CADM1: variants seen among roughly 807,000 people sequenced by gnomAD.
The protein encoded by CADM1 is TSLC-1.
Under a neutral mutation model 53.1 loss-of-function variants are expected in CADM1, and 15 were observed. That is an observed-to-expected ratio of 0.28 (90% CI 0.19 to 0.44). The LOEUF is 0.44. Among genes scored for constraint, CADM1 ranks in the 20% least tolerant of loss-of-function variants. The pLI is 1.00. For synonymous variants in CADM1, 281 were observed against 243.0 expected, an observed-to-expected ratio of 1.16 and a Z score of -1.45; for missense variants, 434 against 611.3, an observed-to-expected ratio of 0.71 and a Z score of 3.06.
chr11:115,315,829 G>C (rs558143462), intron 1 of CADM1, among the ~76,000 whole-genome samples: 1 of 152,182 alleles, frequency 6.6e-6, no homozygotes, highest in South Asian at 2.1e-4. Flanking sequence ...AAACACAATT[G>C]TTTCTTTCTT....
At chr11:115,319,571 T>C (rs891460426) in intron 1 of CADM1, among the ~76,000 whole-genome samples, 1 of 152,168 alleles carries the variant, frequency 6.6e-6, no homozygotes, top group East Asian at 1.9e-4. Flanking sequence ...TGCCAATTCT[T>C]TGGGAGCCAA....
intron 1 of CADM1, chr11:115,240,983 T>A (rs1349735565): frequency 6.4e-6 from 1 of 156,926 alleles, no homozygotes; most frequent in African/African-American, 2.4e-5. Flanking sequence ...TGGGAAGGCT[T>A]AGGGTTCGGA....
At chr11:115,422,560 C>T (rs1274810978) in intron 1 of CADM1, among the ~76,000 whole-genome samples, 1 of 152,212 alleles carries the variant, frequency 6.6e-6, no homozygotes, top group Non-Finnish European at 1.5e-5. Flanking sequence ...GGCCACTAAA[C>T]TACCAAGTCA....
chr11:115,468,075 G>T (rs1393104075), intron 1 of CADM1, among the ~76,000 whole-genome samples: 1 of 152,124 alleles, frequency 6.6e-6, no homozygotes, highest in Non-Finnish European at 1.5e-5. Flanking sequence ...TAAAACAAAA[G>T]CATTCTGTAT....
At chr11:115,182,031 A>G (rs1183439962) in intron 10 of CADM1, among the ~76,000 whole-genome samples, 1 of 152,226 alleles carries the variant, frequency 6.6e-6, no homozygotes, top group African/African-American at 2.4e-5. Context: ...AACCAATTCC[A>G]TGAGAAATGA....
chr11:115,256,119 C>CA (rs1942779465), intron 1 of CADM1, among the ~76,000 whole-genome samples: 1 of 152,004 alleles, frequency 6.6e-6, no homozygotes, highest in Non-Finnish European at 1.5e-5. Flanking sequence ...GCAAGTGTTC[C>CA]AAAATGAAAA....
chr11:115,328,747 TAG>T (rs1555067055), intron 1 of CADM1, among the ~76,000 whole-genome samples: 3 of 130,112 alleles, frequency 2.3e-5, no homozygotes, highest in African/African-American at 8.2e-5. Flanking sequence ...TATATATATA[TAG>T]AATCCAATCT....
At chr11:115,226,172 G>C (rs1294584756) in intron 5 of CADM1, among the ~76,000 whole-genome samples, 1 of 151,898 alleles carries the variant, frequency 6.6e-6, no homozygotes, top group Non-Finnish European at 1.5e-5. Context: ...AAGCTTATTA[G>C]ACACTATATA....
At chr11:115,315,387 A>G (rs1019808488) in intron 1 of CADM1, among the ~76,000 whole-genome samples, 4 of 152,194 alleles carry the variant, frequency 2.6e-5, no homozygotes, top group African/African-American at 9.7e-5. Context: ...TCCTGAAGAA[A>G]TGAGAGAAAT....
At chr11:115,269,066 C>G (rs1459862483) in intron 1 of CADM1, among the ~76,000 whole-genome samples, 1 of 152,116 alleles carries the variant, frequency 6.6e-6, no homozygotes, top group Non-Finnish European at 1.5e-5. Context: ...TCGGCCATAG[C>G]TTCTAGACTG....
chr11:115,350,509 C>CTTT (rs34913142), intron 1 of CADM1, among the ~76,000 whole-genome samples: 28 of 138,050 alleles, frequency 2.0e-4, no homozygotes, highest in Non-Finnish European at 3.6e-4. Flanking sequence ...TTCTTTTTTT[C>CTTT]TTTTTTTTTT....
intron 1 of CADM1, chr11:115,333,606 C>T (rs1431143313): frequency 6.6e-6 from 1 of 152,154 alleles, no homozygotes; most frequent in Non-Finnish European, 1.5e-5. Context: ...TCTTGACCAA[C>T]AACCTTACTT....
At chr11:115,497,942 T>C (rs1437768630) in intron 1 of CADM1, among the ~76,000 whole-genome samples, 5 of 145,702 alleles carry the variant, frequency 3.4e-5, no homozygotes, top group Non-Finnish European at 7.5e-5. Context: ...AGATTTATAG[T>C]CCATATTTAA....
chr11:115,252,251 T>A (rs556386261), intron 1 of CADM1, among the ~76,000 whole-genome samples: 1 of 152,240 alleles, frequency 6.6e-6, no homozygotes, highest in Non-Finnish European at 1.5e-5. Context: ...ATTATGAGAA[T>A]TGAGTGAAGT....
chr11:115,313,219 A>G (rs1481299990), intron 1 of CADM1, among the ~76,000 whole-genome samples: 1 of 152,204 alleles, frequency 6.6e-6, no homozygotes, highest in Non-Finnish European at 1.5e-5. Flanking sequence ...CTAGCATACC[A>G]GTAGTACATA....
intron 1 of CADM1, among the ~76,000 whole-genome samples, chr11:115,361,535 T>C (rs938703545): frequency 6.6e-6 from 1 of 152,182 alleles, no homozygotes; most frequent in Non-Finnish European, 1.5e-5. Context: ...CCAGTATTTA[T>C]GACTGCTTAT....
intron 1 of CADM1, among the ~76,000 whole-genome samples, chr11:115,336,079 A>G (rs993360990): frequency 6.6e-6 from 1 of 152,134 alleles, no homozygotes; most frequent in African/African-American, 2.4e-5. Context: ...CTTCACACAA[A>G]CTATTTTTAA....
At chr11:115,244,020 A>G (rs1942328304) in intron 1 of CADM1, among the ~76,000 whole-genome samples, 3 of 152,282 alleles carry the variant, frequency 2.0e-5, no homozygotes, top group Non-Finnish European at 2.9e-5. Context: ...ACAGAATCCA[A>G]CTGGATTTTT....
At chr11:115,316,431 A>C (rs1353327452) in intron 1 of CADM1, among the ~76,000 whole-genome samples, 1 of 152,160 alleles carries the variant, frequency 6.6e-6, no homozygotes, top group Non-Finnish European at 1.5e-5. Flanking sequence ...CAAAGAATAG[A>C]AAAGGAAGAG....
Sources: allele counts gnomAD v4.1 joint callset (sites outside exome capture counted in the v4.1 genomes callset), GRCh38; gene constraint gnomAD v4.1.1; transcripts MANE v1.5; gene names NCBI Gene and HGNC (gene_info 2026-07-23, HGNC 2026-07-21).